The following CFAP58 variants were observed in gnomAD, a reference collection of about 807,000 sequenced individuals.
CFAP58 encodes cilia and flagella associated protein 58, also known as cilia- and flagella-associated protein 58.
A neutral mutation model predicts 119.5 loss-of-function variants in CFAP58; 88 were observed. The ratio of observed to expected loss-of-function variants is 0.74; its 90% CI spans 0.62 to 0.88. The LOEUF (loss-of-function observed/expected upper bound fraction) is 0.88. CFAP58 is among the 40% of genes least tolerant of loss of function. The pLI is 0.00. For missense variants in CFAP58, 990 were observed against 1,021.2 expected, an observed-to-expected ratio of 0.97 and a Z score of 0.42; for synonymous variants, 365 against 366.3, an observed-to-expected ratio of 1.00 and a Z score of 0.04.
At chr10:104,409,147 G>C (rs2012418111) in intron 15 of CFAP58, among the ~76,000 whole-genome samples, 3 of 151,926 alleles carry the variant, frequency 2.0e-5, no homozygotes, top group African/African-American at 7.3e-5. Flanking sequence ...TTGATATGGG[G>C]AATTTTCATT....
intron 3 of CFAP58, among the ~76,000 whole-genome samples, chr10:104,362,980 C>T (rs978109040): frequency 2.6e-5 from 4 of 152,200 alleles, no homozygotes; most frequent in African/African-American, 4.8e-5. Flanking sequence ...TTTCCATGCT[C>T]AGAGTGCCTT....
chr10:104,370,175 A>G (rs17116963), intron 6 of CFAP58, among the ~76,000 whole-genome samples: 1 of 152,324 alleles, frequency 6.6e-6, no homozygotes, highest in African/African-American at 2.4e-5. Flanking sequence ...ATCACTTCAC[A>G]AGTTCATGAA....
At chr10:104,362,383 A>G (rs944029856) in intron 3 of CFAP58, among the ~76,000 whole-genome samples, 6 of 152,126 alleles carry the variant, frequency 3.9e-5, no homozygotes, top group African/African-American at 7.2e-5. Flanking sequence ...GTTATCTTAA[A>G]CTTCTGCCTC....
chr10:104,375,727 T>C (rs1046309685), intron 7 of CFAP58, among the ~76,000 whole-genome samples: 4 of 151,468 alleles, frequency 2.6e-5, no homozygotes, highest in Non-Finnish European at 4.4e-5. Flanking sequence ...ATCGAATACG[T>C]TTAAGAAATA....
intron 11 of CFAP58, among the ~76,000 whole-genome samples, chr10:104,396,425 AGAGAG>A: frequency 2.1e-5 from 3 of 140,490 alleles, no homozygotes; most frequent in Non-Finnish European, 3.0e-5. Flanking sequence ...AGAGAGAGAG[AGAGAG>A]AGAGAGAGAA....
At chr10:104,439,912 C>A (rs985246001) in intron 15 of CFAP58, among the ~76,000 whole-genome samples, 4 of 152,176 alleles carry the variant, frequency 2.6e-5, no homozygotes, top group African/African-American at 9.7e-5. Flanking sequence ...CTCCGCCTTC[C>A]GGGTTCACGC....
intron 15 of CFAP58, among the ~76,000 whole-genome samples, chr10:104,438,563 G>A (rs909413697): frequency 8.9e-4 from 135 of 152,034 alleles, no homozygotes; most frequent in African/African-American, 3.2e-3. Flanking sequence ...TTTTAGTAGA[G>A]ACGGGGTTTC....
intron 15 of CFAP58, among the ~76,000 whole-genome samples, chr10:104,421,428 A>G (rs1181422612): frequency 6.6e-6 from 1 of 152,170 alleles, no homozygotes; most frequent in Non-Finnish European, 1.5e-5. Context: ...TCCCCTGCCT[A>G]TGTGCTGAAG....
intron 9 of CFAP58, among the ~76,000 whole-genome samples, chr10:104,389,192 T>C (rs1219389443): frequency 6.6e-6 from 1 of 152,192 alleles, no homozygotes; most frequent in Non-Finnish European, 1.5e-5. Flanking sequence ...GTCCCAACAC[T>C]TAGAAATACA....
At chr10:104,406,865 ATTAG>A in intron 15 of CFAP58, 72 bp downstream of exon 15, 1 of 1,208,132 alleles carries the variant, frequency 8.3e-7, no homozygotes, top group Non-Finnish European at 1.2e-6. Context: ...CGTTCTTAGA[ATTAG>A]TTATTTGGCA....
intron 15 of CFAP58, among the ~76,000 whole-genome samples, chr10:104,438,423 C>A (rs1243078372): frequency 7.3e-6 from 1 of 137,680 alleles, no homozygotes; most frequent in Non-Finnish European, 1.5e-5. Flanking sequence ...GGCCAGACTG[C>A]GGACTGCAGT....
At chr10:104,428,973 A>T (rs866423813) in intron 15 of CFAP58, among the ~76,000 whole-genome samples, 1 of 152,208 alleles carries the variant, frequency 6.6e-6, no homozygotes, top group Non-Finnish European at 1.5e-5. Context: ...TTCACAAGAA[A>T]TGGACGTGGG....
intron 13 of CFAP58, 78 bp from the exon 14 acceptor site, chr10:104,403,651 G>A: frequency 1.1e-6 from 1 of 903,240 alleles, no homozygotes; most frequent in Non-Finnish European, 1.8e-6. Flanking sequence ...GACATAGTGT[G>A]TATGCAACTA....
intron 12 of CFAP58, 131 bp downstream of exon 12, chr10:104,399,631 T>C: frequency 2.2e-6 from 2 of 908,624 alleles, no homozygotes; most frequent in Admixed American, 5.9e-5. Flanking sequence ...CAGAGACCCA[T>C]CTTGTGTTGA....
At chr10:104,376,217 T>G (rs937897945) in intron 7 of CFAP58, among the ~76,000 whole-genome samples, 25 of 152,010 alleles carry the variant, frequency 1.6e-4, no homozygotes, top group Admixed American at 1.6e-3. Flanking sequence ...TATACAGCGT[T>G]AAATAAAACC....
chr10:104,454,517 A>G lies in CFAP58; in HGVS notation c.2606A>G (p.Lys869Arg), dbSNP rs748362662. The change falls in exon 18 of 18, where the codon AAA becomes AGA. Residue 869 changes from lysine (K) to arginine (R), a missense_variant. Coordinates refer to ENST00000369704, the MANE Select transcript of CFAP58 (RefSeq NM_001008723.2). ...GGCGGATTTCCTCTCAGGTCAACCA[A>G]AATGACGTTCTAACCTGAAGCTGCT... ...TGGGFPLRSTKMTF is the reference protein window; with the variant it reads ...TGGGFPLRSTRMTF 1.2e-6 allele frequency: 2 copies of G among 1,613,306 alleles called. No homozygotes were observed. Among genetic ancestry groups the G allele is most frequent in the South Asian group, 1.1e-5 (1 of 91,032 alleles).
At position 104,400,581 on chromosome 10, in the gene CFAP58, T is replaced by G. The variant is rs878951624; in HGVS notation, c.1816-99T>G. The G allele has an allele frequency of 7.2e-6, 7 of 967,834 alleles. No individual in the cohort carries two copies. In the South Asian group the frequency reaches 8.4e-5, roughly 12 times the overall value. 60.0% of individuals were successfully genotyped at this position (967,834 alleles called of 1,614,324 possible). A position where few individuals can be genotyped will look rare whatever the true frequency, so the allele number is the denominator to read the frequency against. On this transcript the variant is annotated intron_variant, in intron 12 of 17. Transcript: ENST00000369704. ...CAGCCCATGTGGTGCCCAGTACATG[T>G]GGGCGTTCAATAGATACTCATTGAA...
At chr10:104,357,890 A>ACATATATGTACACATACACAC (rs1564875816) in intron 1 of CFAP58, among the ~76,000 whole-genome samples, 4 of 132,452 alleles carry the variant, frequency 3.0e-5, no homozygotes, top group East Asian at 2.1e-4. Context: ...CACATATATA[A>ACATATATGTACACATACACAC]ACATATATGT....
chr10:104,366,287 A>G (rs886217289), intron 5 of CFAP58, among the ~76,000 whole-genome samples: 4 of 152,116 alleles, frequency 2.6e-5, no homozygotes, highest in African/African-American at 4.8e-5. Context: ...ATATGTCACA[A>G]GTGGACAGCT....
Sources: gnomAD v4.1 joint callset for allele counts (sites outside exome capture counted in the v4.1 genomes callset) on GRCh38, gnomAD v4.1.1 for gene constraint, MANE v1.5 for transcripts, NCBI Gene and HGNC (gene_info 2026-07-23, HGNC 2026-07-21) for gene names.